ANP32E: variants seen among roughly 807,000 people sequenced by gnomAD.
ANP32E encodes the protein acidic leucine-rich nuclear phosphoprotein 32 family member E.
In ANP32E, 14 loss-of-function variants were observed where a neutral mutation model predicts 35.3. That is an observed-to-expected ratio of 0.40 (90% CI 0.26 to 0.62). The LOEUF (loss-of-function observed/expected upper bound fraction) is 0.62. Among genes scored for constraint, ANP32E ranks in the 20% least tolerant of loss-of-function variants. The pLI is 0.45. For synonymous variants in ANP32E, 89 were observed against 110.4 expected (o/e 0.81, Z 1.22); for missense variants, 198 against 304.4 (o/e 0.65, Z 2.60).
At chr1:150,224,415 A>T (rs1271474971) in intron 5 of ANP32E, among the ~76,000 whole-genome samples, 1 of 152,092 alleles carries the variant, frequency 6.6e-6, no homozygotes, top group African/African-American at 2.4e-5. Flanking sequence ...TCTACTAAAA[A>T]TACAAAAAAT....
chr1:150,220,206 CAAAAAAAA>C lies in ANP32E; in HGVS notation c.*477_*484del, dbSNP rs80299916. ...AAAAAAGCAACCAAACACTCTTAGT[CAAAAAAAA>C]AAAAAAAAAAAGGTAACTGCCTTCA... On this transcript the variant is annotated 3_prime_UTR_variant, in exon 7 of 7. Transcript: ENST00000583931. The C allele has an allele frequency of 1.0e-5, 1 of 97,912 alleles. No individual in the cohort carries two copies. The highest frequency in any genetic ancestry group is 1.9e-5 in the Non-Finnish European group (1 of 52,118). 6.1% of individuals were successfully genotyped at this position (97,912 alleles called of 1,614,324 possible).
intron 3 of ANP32E, among the ~76,000 whole-genome samples, chr1:150,229,582 G>A (rs1267497906): frequency 3.3e-5 from 5 of 152,164 alleles, no homozygotes; most frequent in Admixed American, 6.5e-5. Flanking sequence ...GGGTTCAAGC[G>A]ATTCTCCTGC....
At position 150,235,665 on chromosome 1, in the gene ANP32E, G is replaced by A. The variant is rs1649721065; in HGVS notation, c.54+68C>T. ...ACTCCATCCCCGCACACCCACCCAG[G>A]ACCACCAGAAATCCGATCCTCAGAA... On this transcript the variant is annotated intron_variant, in intron 1 of 6. Transcript: ENST00000583931. The surrounding 1 kb of genome is among the most constrained non-coding windows in gnomAD (Gnocchi z 4.2). The A allele has an allele frequency of 6.2e-7, 1 of 1,603,038 alleles. No homozygotes were observed. Among genetic ancestry groups the A allele is most frequent in the Admixed American group, 1.7e-5 (1 of 59,094 alleles).
rs782503764 is a variant in ANP32E, at chr1:150,220,734, C to T, written c.764G>A (p.Arg255Lys). ...EEEGGLRGEK[R>K]KRDAEDDGEE... The stretch of plus-strand genomic sequence containing the variant: ...TCCATCGTCTTCAGCATCTCGTTTC[C>T]TCTTCTCCCCTCGAAGACCTCCTTC... Residue 255 changes from arginine (R) to lysine (K), a missense_variant, in exon 7 of 7, where the codon AGG becomes AAG. Arg to Lys is a conservative substitution (Grantham distance 26, BLOSUM62 2). Around this residue, in one of 4 missense-constraint regions of ANP32E, gnomAD observed 121 missense variants for 137.3 expected, o/e 0.88. Transcript: ENST00000583931. 2 of 1,613,956 alleles carry T rather than the reference C, an allele frequency of 1.2e-6. No homozygotes were observed. The highest frequency in any genetic ancestry group is 1.7e-6 in the Non-Finnish European group (2 of 1,179,956).
intron 2 of ANP32E, among the ~76,000 whole-genome samples, chr1:150,231,258 T>C (rs1401287320): frequency 1.3e-5 from 2 of 152,224 alleles, no homozygotes; most frequent in African/African-American, 4.8e-5. Flanking sequence ...ATTTGGTATA[T>C]ATTAAATCCA....
At position 150,220,110 on chromosome 1, in the gene ANP32E, C is replaced by T. The variant is rs1342297801; in HGVS notation, c.*581G>A. The T allele has an allele frequency of 6.8e-6, 1 of 146,188 alleles. No homozygotes were observed. The highest frequency in any genetic ancestry group is 2.5e-5 in the African/African-American group (1 of 39,712). The allele number at this position is 146,188 out of a possible 1,614,324, so 9.1% of individuals were successfully genotyped here. ...ACCATATTACTGAATAGAACCTCCACAAAATCCATGAACTATGTTGCTGAA... is the reference window on the plus strand; with the variant it reads ...ACCATATTACTGAATAGAACCTCCATAAAATCCATGAACTATGTTGCTGAA... On this transcript the variant is annotated 3_prime_UTR_variant, in exon 7 of 7. Coordinates refer to ENST00000583931, the MANE Select transcript of ANP32E (RefSeq NM_030920.5).
At chr1:150,234,763 G>A (rs1649644977) in intron 1 of ANP32E, 1 of 782,252 alleles carries the variant, frequency 1.3e-6, no homozygotes, top group Non-Finnish European at 1.6e-6. Context: ...TTCGCCCTGG[G>A]TAGGTGAGGC....
At chr1:150,223,308 T>C in intron 5 of ANP32E, 68 bp from the exon 6 acceptor site, 1 of 1,491,514 alleles carries the variant, frequency 6.7e-7, no homozygotes, top group Non-Finnish European at 9.1e-7. Context: ...TCTTGTAATA[T>C]ATTCCAACAA....
At chr1:150,229,028 G>T (rs1649117846) in intron 4 of ANP32E, 44 bp downstream of exon 4, 1 of 1,551,010 alleles carries the variant, frequency 6.4e-7, no homozygotes. Flanking sequence ...AGCTACAGCA[G>T]AGGCTATAAT....
At chr1:150,231,751 G>A (rs781814640) in intron 2 of ANP32E, 26 bp downstream of exon 2, 4 of 1,596,528 alleles carry the variant, frequency 2.5e-6, no homozygotes, top group South Asian at 1.1e-5. Flanking sequence ...TTGAAATCAT[G>A]ATGCTTCACG....
Position 150,226,704 on chromosome 1 carries a change from A to ATCCTCC in ANP32E, c.579_584dup (p.Glu193_Glu194dup), listed in dbSNP as rs1559999318. The ATCCTCC allele has an allele frequency of 6.3e-7, 1 of 1,576,340 alleles. No individual in the cohort carries two copies. The highest frequency in any genetic ancestry group is 2.3e-5 in the East Asian group (1 of 43,492). On this transcript the variant is annotated inframe_insertion, in exon 5 of 7. Transcript: ENST00000583931. ...CATCTTCATCTTCATCCTCATCCTC[A>ATCCTCC]TCCTCCTCTTCCTCTTCCTCCTCCT...
In ANP32E at chr1:150,218,545, T is replaced by A. The variant is rs1648101849; in HGVS notation, c.*2146A>T. 6.6e-6 allele frequency: 1 copy of A among 152,594 alleles called. No individual in the cohort carries two copies. Among genetic ancestry groups the A allele is most frequent in the African/African-American group, 2.4e-5 (1 of 41,444 alleles). 9.5% of individuals were successfully genotyped at this position (152,594 alleles called of 1,614,324 possible). A position where few individuals can be genotyped will look rare whatever the true frequency, so the allele number is the denominator to read the frequency against. On this transcript the variant is annotated 3_prime_UTR_variant, in exon 7 of 7. Coordinates refer to ENST00000583931, the MANE Select transcript of ANP32E (RefSeq NM_030920.5). ...AAGAATAATCAGGAGTACTGCAAAT[T>A]TTTTTGTTTGTTTTTAACACTGTCA...
At chr1:150,221,859 A>C (rs1648435208) in intron 6 of ANP32E, among the ~76,000 whole-genome samples, 1 of 152,090 alleles carries the variant, frequency 6.6e-6, no homozygotes, top group Non-Finnish European at 1.5e-5. Flanking sequence ...CACTTTGCCA[A>C]GGCAAGAGGA....
Position 150,231,918 on chromosome 1 carries a change from C to A in ANP32E, c.63G>T (p.Glu21Asp), listed in dbSNP as rs1649375215. ...LRNRSPEEVT[E>D]LVLDNCLCVN... Reference sequence around the variant, plus strand: ...CACACAGGCAATTATCAAGGACTAACTCTGTCACCTGTAAGAGGGAAAACA... The same window carrying A: ...CACACAGGCAATTATCAAGGACTAAATCTGTCACCTGTAAGAGGGAAAACA... The change falls in exon 2 of 7, where the codon GAG (glutamate) becomes GAT (aspartate). Residue 21 changes from glutamate (E) to aspartate (D), a missense_variant. By Grantham distance (45) the Glu-to-Asp change is conservative. This residue lies in a region of ANP32E where 35 missense variants were observed against 47.6 expected (regional missense o/e 0.74). Coordinates refer to ENST00000583931, the MANE Select transcript of ANP32E (RefSeq NM_030920.5). 6.2e-7 allele frequency: 1 copy of A among 1,610,634 alleles called. No homozygotes were observed. Among genetic ancestry groups the A allele is most frequent in the East Asian group, 2.2e-5 (1 of 44,618 alleles).
At chr1:150,230,773 ACT>A (rs778741856) in intron 2 of ANP32E, 80 bp from the exon 3 acceptor site, 2 of 1,339,084 alleles carry the variant, frequency 1.5e-6, no homozygotes, top group Admixed American at 4.2e-5. Context: ...ATGTAGTCTC[ACT>A]CTGTCGCCCA....
At position 150,231,850 on chromosome 1, in the gene ANP32E, A is replaced by G; in HGVS notation, c.131T>C (p.Leu44Pro). The change falls in exon 2 of 7, where the codon CTA becomes CCA. Residue 44 changes from leucine (L) to proline (P), a missense_variant. Around this residue, in one of 4 missense-constraint regions of ANP32E, gnomAD observed 35 missense variants for 47.6 expected, o/e 0.74. Transcript: ENST00000583931. ...CACATTAGCCATACTCAGAAATTCT[A>G]GTTCTTTGAAAGTATCATTCAGGCC... is the stretch of plus-strand genomic sequence containing the variant. Reference protein sequence around the residue: ...IEGLNDTFKELEFLSMANVEL... With the variant: ...IEGLNDTFKEPEFLSMANVEL... 1 of 1,613,228 alleles carries G rather than the reference A, an allele frequency of 6.2e-7. No homozygotes were observed. The highest frequency in any genetic ancestry group is 8.5e-7 in the Non-Finnish European group (1 of 1,179,836).
rs781834143 is a variant in ANP32E, at chr1:150,220,697, ATCT to A, written c.798_800del (p.Glu266del). Reference sequence around the variant, plus strand: ...AATCTGGTCTTAGAATGATCTAGTCATCTTCTTCCTCTCCATCGTCTTCAGCAT... The same window carrying A: ...AATCTGGTCTTAGAATGATCTAGTCATCTTCCTCTCCATCGTCTTCAGCAT... On this transcript the variant is annotated inframe_deletion, in exon 7 of 7. Transcript: ENST00000583931. The A allele has an allele frequency of 1.5e-4, 236 of 1,613,942 alleles. No individual in the cohort carries two copies. Among genetic ancestry groups the A allele is most frequent in the Non-Finnish European group, 1.8e-4 (216 of 1,179,890 alleles).
At chr1:150,222,543 C>T (rs952886383) in intron 6 of ANP32E, among the ~76,000 whole-genome samples, 1 of 151,456 alleles carries the variant, frequency 6.6e-6, no homozygotes, top group Non-Finnish European at 1.5e-5. Context: ...ATCGTTTGAA[C>T]CCAGAGTTCA....
chr1:150,234,784 AC>A (rs1649646190), intron 1 of ANP32E: 1 of 569,052 alleles, frequency 1.8e-6, no homozygotes. Flanking sequence ...CGAGAAGGCA[AC>A]CGCGAAAAGG....
Sources: gnomAD v4.1 joint callset for allele counts (sites outside exome capture counted in the v4.1 genomes callset) on GRCh38, gnomAD v4.1.1 for gene constraint, gnomAD v4.1.1 regional missense constraint, Gnocchi (gnomAD v3.1) non-coding constraint, MANE v1.5 for transcripts, NCBI Gene and HGNC (gene_info 2026-07-23, HGNC 2026-07-21) for gene names.